ZBTB20: variants seen among roughly 807,000 people sequenced by gnomAD.
The protein encoded by ZBTB20 is zinc finger and BTB domain containing 20, also known as zinc finger and BTB domain-containing protein 20.
A neutral mutation model predicts 56.9 loss-of-function variants in ZBTB20; 9 were observed. The observed-to-expected ratio is 0.16, with a 90% CI of 0.10 to 0.28. ZBTB20 has a LOEUF of 0.28. Ranked by LOEUF, ZBTB20 falls within the 10% of genes least tolerant of loss-of-function variation. ZBTB20 has a pLI of 1.00. For missense variants in ZBTB20, 655 were observed against 1,003.0 expected, an observed-to-expected ratio of 0.65 and a Z score of 4.69; for synonymous variants, 417 against 420.7, an observed-to-expected ratio of 0.99 and a Z score of 0.11.
intron 6 of ZBTB20, among the ~76,000 whole-genome samples, chr3:114,587,350 C>T (rs1364774066): frequency 6.6e-6 from 1 of 152,036 alleles, no homozygotes; most frequent in Non-Finnish European, 1.5e-5. Flanking sequence ...TTGAAGCAGA[C>T]ACAGATGTAC....
At chr3:114,720,530 G>A (rs560192024) in intron 5 of ZBTB20, among the ~76,000 whole-genome samples, 1 of 152,218 alleles carries the variant, frequency 6.6e-6, no homozygotes, top group Admixed American at 6.5e-5. Context: ...TAAGAAAGCA[G>A]CATGATGACT....
intron 6 of ZBTB20, among the ~76,000 whole-genome samples, chr3:114,673,286 C>G (rs2061452528): frequency 6.6e-6 from 1 of 152,036 alleles, no homozygotes; most frequent in Admixed American, 6.6e-5. Context: ...GTGACACAGG[C>G]AGTACTTCCG....
At chr3:115,066,977 T>C (rs1400109849) in intron 2 of ZBTB20, among the ~76,000 whole-genome samples, 2 of 152,100 alleles carry the variant, frequency 1.3e-5, no homozygotes, top group African/African-American at 4.8e-5. Context: ...TTAGGGATTA[T>C]AGTCTGTTTA....
Position 114,339,517 on chromosome 3 carries a change from A to C in ZBTB20, c.1805-91T>G, listed in dbSNP as rs1030365035. On this transcript the variant is annotated intron_variant, in intron 11 of 11. Transcript: ENST00000675478. This position sits in a 1 kb window ranked among gnomAD's most constrained non-coding sequence, Gnocchi z 4.2. Reference sequence around the variant, plus strand: ...GACAGGAAAAACAAGACAACAAAAAAGAAAAATAAAACAATTAAAAAATAA... The same window carrying C: ...GACAGGAAAAACAAGACAACAAAAACGAAAAATAAAACAATTAAAAAATAA... 96 of 1,371,692 alleles carry C rather than the reference A, an allele frequency of 7.0e-5. No individual in the cohort carries two copies. The highest frequency in any genetic ancestry group is 9.0e-5 in the Non-Finnish European group (93 of 1,027,906). The allele number at this position is 1,371,692 out of a possible 1,614,324, so 85.0% of individuals were successfully genotyped here.
intron 7 of ZBTB20, among the ~76,000 whole-genome samples, chr3:114,414,562 C>T (rs2088320158): frequency 1.3e-5 from 2 of 152,000 alleles, no homozygotes; most frequent in Admixed American, 1.3e-4. Context: ...ATCTTAGGAG[C>T]TCTGTGTCCC....
Position 114,436,064 on chromosome 3 carries a change from G to A in ZBTB20, c.-254-46959C>T, listed in dbSNP as rs567016527. ...GGAGGGCCTCTGAGAACAGGCTGCT[G>A]GTGCAATCCACCTTCCCACCCGCCA... On this transcript the variant is annotated intron_variant, in intron 7 of 11. Coordinates refer to ENST00000675478, the MANE Select transcript of ZBTB20 (RefSeq NM_001348800.3). 2.0e-4 allele frequency among the ~76,000 whole-genome samples: 31 copies of A among 152,124 alleles called. 1 individual carries two copies. Among genetic ancestry groups the A allele is most frequent in the Admixed American group, 1.0e-3 (16 of 15,274 alleles).
rs769312732 is a variant in ZBTB20, at chr3:115,142,677, AT to A, written c.-703+4541del. 3.8e-3 allele frequency among the ~76,000 whole-genome samples: 575 copies of A among 151,080 alleles called. 3 individuals are homozygous for A. The highest frequency in any genetic ancestry group is 0.013 in the African/African-American group (544 of 41,008). The stretch of plus-strand genomic sequence containing the variant: ...ACTCCATCAAAAAAAAAAAAAAAAA[AT>A]TCAACTGAAACAATGTATTCCATTA... On this transcript the variant is annotated intron_variant, in intron 1 of 11. Coordinates refer to ENST00000675478, the MANE Select transcript of ZBTB20 (RefSeq NM_001348800.3).
intron 5 of ZBTB20, among the ~76,000 whole-genome samples, chr3:114,793,170 G>A (rs2071090819): frequency 6.6e-6 from 1 of 151,960 alleles, no homozygotes; most frequent in African/African-American, 2.4e-5. Flanking sequence ...ATGAGCCACC[G>A]TGCCTGGCCC....
intron 4 of ZBTB20, among the ~76,000 whole-genome samples, chr3:114,883,916 CTTTTTTTTTTTTT>C (rs869141975): frequency 1.1e-5 from 1 of 89,830 alleles, no homozygotes; most frequent in East Asian, 3.9e-4. Context: ...ATGGTGTGTT[CTTTTTTTTTTTTT>C]TTTTTTTTTT....
At chr3:114,544,719 G>C (rs1394970921) in intron 6 of ZBTB20, among the ~76,000 whole-genome samples, 1 of 151,790 alleles carries the variant, frequency 6.6e-6, no homozygotes, top group African/African-American at 2.4e-5. Context: ...TGGCCAGGGT[G>C]GTCTCAAACT....
At position 114,351,442 on chromosome 3, in the gene ZBTB20, C is replaced by A. The variant is rs143932166; in HGVS notation, c.636G>T (p.Pro212=). The part of the protein sequence containing the change: ...PGIQDSGQDT[P]RGTPESGTSG... Reference sequence around the variant, plus strand: ...ACGTGCCTGACTCGGGAGTGCCCCGCGGCGTGTCCTGGCCCGAGTCCTGGA... The same window carrying A: ...ACGTGCCTGACTCGGGAGTGCCCCGAGGCGTGTCCTGGCCCGAGTCCTGGA... The change falls in exon 11 of 12, where the codon CCG becomes CCT. Residue 212 remains proline (P), a synonymous_variant. Coordinates refer to ENST00000675478, the MANE Select transcript of ZBTB20 (RefSeq NM_001348800.3). The A allele has an allele frequency of 4.3e-5, 70 of 1,613,394 alleles. No individual in the cohort carries two copies. In the Middle Eastern group the frequency reaches 6.6e-4, roughly 15 times the overall value.
chr3:114,483,687 G>T (rs1282363634), intron 7 of ZBTB20, among the ~76,000 whole-genome samples: 2 of 152,158 alleles, frequency 1.3e-5, no homozygotes, highest in African/African-American at 4.8e-5. Context: ...TCATCATGTA[G>T]GACATGGGTC....
chr3:114,786,063 C>T (rs1471482842), intron 5 of ZBTB20, among the ~76,000 whole-genome samples: 3 of 151,936 alleles, frequency 2.0e-5, no homozygotes, highest in Admixed American at 6.6e-5. Context: ...CATAGGCAAA[C>T]GTGTGCCATG....
At chr3:114,899,567 A>C (rs2075026445) in intron 4 of ZBTB20, among the ~76,000 whole-genome samples, 1 of 152,220 alleles carries the variant, frequency 6.6e-6, no homozygotes, top group African/African-American at 2.4e-5. Flanking sequence ...GGATTTAAAG[A>C]AAATATTCAG....
At chr3:114,482,214 C>A (rs2041636285) in intron 7 of ZBTB20, among the ~76,000 whole-genome samples, 1 of 151,832 alleles carries the variant, frequency 6.6e-6, no homozygotes, top group Non-Finnish European at 1.5e-5. Flanking sequence ...GGAGCTGGGA[C>A]AAGGAAGACA....
At chr3:114,544,409 CTTTCTTTCTTTCTT>C (rs1394568488) in intron 6 of ZBTB20, among the ~76,000 whole-genome samples, 202 of 5,128 alleles carry the variant, frequency 0.039, 1 homozygote, top group African/African-American at 0.065. Context: ...TAGATTTCTT[CTTTCTTTCTTTCTT>C]TCTTTCTTTC....
intron 1 of ZBTB20, among the ~76,000 whole-genome samples, chr3:115,087,928 G>C (rs1477566884): frequency 6.6e-6 from 1 of 151,946 alleles, no homozygotes; most frequent in Non-Finnish European, 1.5e-5. Flanking sequence ...TTGGTTTAAG[G>C]AAAGGGATGG....
At chr3:114,656,699 C>A (rs2060424816) in intron 6 of ZBTB20, among the ~76,000 whole-genome samples, 1 of 152,004 alleles carries the variant, frequency 6.6e-6, no homozygotes, top group Non-Finnish European at 1.5e-5. Context: ...TGAAAATTTT[C>A]ATTTCTCTGC....
intron 6 of ZBTB20, among the ~76,000 whole-genome samples, chr3:114,561,481 G>A (rs781057103): frequency 2.6e-5 from 4 of 152,076 alleles, no homozygotes; most frequent in South Asian, 2.1e-4. Context: ...AATAGATGTC[G>A]TGTTAGCAGG....
Sources: allele counts gnomAD v4.1 joint callset (sites outside exome capture counted in the v4.1 genomes callset), GRCh38; gene constraint gnomAD v4.1.1; non-coding constraint Gnocchi (gnomAD v3.1); transcripts MANE v1.5; gene names NCBI Gene and HGNC (gene_info 2026-07-23, HGNC 2026-07-21).